Variants in PARD3B observed in about 807,000 individuals in gnomAD.
The protein encoded by PARD3B is par-3 family cell polarity regulator beta, also known as partitioning defective 3 homolog B.
A neutral mutation model predicts 130.2 loss-of-function variants in PARD3B; 103 were observed. The observed-to-expected ratio is 0.79, with a 90% CI of 0.67 to 0.93. The LOEUF (loss-of-function observed/expected upper bound fraction) is 0.93. Ranked by LOEUF, PARD3B falls within the 40% of genes least tolerant of loss-of-function variation. The pLI is 0.00. For missense variants in PARD3B, 1,609 were observed against 1,499.2 expected (o/e 1.07, Z -1.21); for synonymous variants, 583 against 553.2 (o/e 1.05, Z -0.76).
At position 205,440,771 on chromosome 2, in the gene PARD3B, A is replaced by C; in HGVS notation, c.3044+99A>C. 7.9e-7 allele frequency: 1 copy of C among 1,271,046 alleles called. No individual in the cohort carries two copies. Among genetic ancestry groups the C allele is most frequent in the Non-Finnish European group, 1.1e-6 (1 of 921,374 alleles). 78.7% of individuals were successfully genotyped at this position (1,271,046 alleles called of 1,614,324 possible). On this transcript the variant is annotated intron_variant, in intron 20 of 22. Transcript: ENST00000406610. The surrounding 1 kb of genome is among the most constrained non-coding windows in gnomAD (Gnocchi z 4.2). ...TAAAAAATGTCTCCTTCAATCAATT[A>C]AAACTGAAACGAGTCAGTACCCTAG...
chr2:204,706,449 G>T (rs1255134368), intron 2 of PARD3B, among the ~76,000 whole-genome samples: 1 of 151,972 alleles, frequency 6.6e-6, no homozygotes, highest in Non-Finnish European at 1.5e-5. Context: ...ACAGTGGGGA[G>T]AAAAAAGTCA....
At chr2:205,331,679 A>G (rs1045110389) in intron 18 of PARD3B, among the ~76,000 whole-genome samples, 1 of 145,792 alleles carries the variant, frequency 6.9e-6, no homozygotes, top group Non-Finnish European at 1.5e-5. Context: ...GGTACTCAGG[A>G]GGCTGAGGCA....
At chr2:204,629,484 A>T (rs2034606253) in intron 1 of PARD3B, among the ~76,000 whole-genome samples, 1 of 152,144 alleles carries the variant, frequency 6.6e-6, no homozygotes, top group Non-Finnish European at 1.5e-5. Context: ...CGCCACAATG[A>T]TTACTGCTTC....
intron 1 of PARD3B, among the ~76,000 whole-genome samples, chr2:204,682,339 A>T (rs565341835): frequency 7.9e-5 from 12 of 152,268 alleles, no homozygotes; most frequent in African/African-American, 2.9e-4. Context: ...CGGAAAGTTA[A>T]TTCACCTACC....
chr2:204,621,500 A>G (rs1574565077), intron 1 of PARD3B, among the ~76,000 whole-genome samples: 1 of 152,230 alleles, frequency 6.6e-6, no homozygotes, highest in South Asian at 2.1e-4. Context: ...GACTGTGCTT[A>G]ACATAGCTTG....
intron 5 of PARD3B, among the ~76,000 whole-genome samples, chr2:205,108,704 C>G (rs1703410853): frequency 6.6e-6 from 1 of 152,098 alleles, no homozygotes; most frequent in African/African-American, 2.4e-5. Flanking sequence ...ATCCTGTACC[C>G]TCCTCTGAAA....
chr2:205,030,073 C>T (rs776696199), intron 3 of PARD3B, among the ~76,000 whole-genome samples: 37 of 152,154 alleles, frequency 2.4e-4, no homozygotes, highest in Non-Finnish European at 4.3e-4. Flanking sequence ...TAATACAGTC[C>T]AATATCTTCT....
rs1044776396 is a variant in PARD3B at position 205,470,146 on chromosome 2, C to A, written c.3044+29474C>A. Among the ~76,000 whole-genome samples the A allele has an allele frequency of 1.3e-5, 2 of 152,092 alleles. No individual in the cohort carries two copies. Among genetic ancestry groups the A allele is most frequent in the African/African-American group, 4.8e-5 (2 of 41,422 alleles). On this transcript the variant is annotated intron_variant, in intron 20 of 22. Transcript: ENST00000406610. The surrounding 1 kb of genome is among the most constrained non-coding windows in gnomAD (Gnocchi z 4.8). ...ACTAAGTGATCTCAGCATTTTTTTT[C>A]CAGTTCCAAAATTATATGGTTCTGC...
At chr2:205,437,293 C>A (rs1339480652) in intron 19 of PARD3B, among the ~76,000 whole-genome samples, 1 of 152,124 alleles carries the variant, frequency 6.6e-6, no homozygotes, top group Non-Finnish European at 1.5e-5. Context: ...TACTTGACTT[C>A]ATCATTTATT....
intron 3 of PARD3B, among the ~76,000 whole-genome samples, chr2:204,993,744 C>T: frequency 6.8e-6 from 1 of 146,278 alleles, no homozygotes; most frequent in Non-Finnish European, 1.5e-5. Flanking sequence ...TTGATTATCG[C>T]CACAATTTCA....
chr2:204,684,622 C>A (rs1055459580), intron 1 of PARD3B, among the ~76,000 whole-genome samples: 2 of 152,120 alleles, frequency 1.3e-5, no homozygotes, highest in Admixed American at 1.3e-4. Context: ...GCCTATTATA[C>A]TTAGCTCATC....
At chr2:205,410,143 C>T (rs1267316550) in intron 19 of PARD3B, among the ~76,000 whole-genome samples, 6 of 152,162 alleles carry the variant, frequency 3.9e-5, no homozygotes, top group Admixed American at 1.3e-4. Context: ...ATTATGTTTA[C>T]CAGTTGAGCA....
rs190482384 is a variant in PARD3B, at chr2:205,325,560, C to T, written c.2630+23859C>T. Reference sequence around the variant, plus strand: ...GTAGTAGTAGTAGTCTCAGAGTCTTCCTCTATTGCCCAGGCTGGAGTGCAG... The same window carrying T: ...GTAGTAGTAGTAGTCTCAGAGTCTTTCTCTATTGCCCAGGCTGGAGTGCAG... On this transcript the variant is annotated intron_variant, in intron 18 of 22. Coordinates refer to ENST00000406610, the MANE Select transcript of PARD3B (RefSeq NM_001302769.2). This position sits in a 1 kb window ranked among gnomAD's most constrained non-coding sequence, Gnocchi z 4.1. Among the ~76,000 whole-genome samples, 85 of 151,010 alleles carry T rather than the reference C, an allele frequency of 5.6e-4. No homozygotes were observed. Among genetic ancestry groups the T allele is most frequent in the African/African-American group, 1.8e-3 (74 of 40,758 alleles).
chr2:204,585,912 C>T (rs1331504947), intron 1 of PARD3B, among the ~76,000 whole-genome samples: 1 of 152,038 alleles, frequency 6.6e-6, no homozygotes, highest in East Asian at 1.9e-4. Context: ...TGCCTAAAGC[C>T]AGATGATCCT....
At chr2:204,883,455 A>ATATAAAATATATATATATATATATATAT (rs1377428928) in intron 2 of PARD3B, among the ~76,000 whole-genome samples, 2 of 77,270 alleles carry the variant, frequency 2.6e-5, no homozygotes, top group Non-Finnish European at 2.3e-5. Context: ...ATATATATAT[A>ATATAAAATATATATATATATATATATAT]TTTTTTTTTT....
At chr2:204,631,480 C>G (rs1332402122) in intron 1 of PARD3B, among the ~76,000 whole-genome samples, 2 of 152,116 alleles carry the variant, frequency 1.3e-5, no homozygotes, top group Non-Finnish European at 2.9e-5. Flanking sequence ...GATCTCTTGA[C>G]CTCGTGATCT....
intron 1 of PARD3B, among the ~76,000 whole-genome samples, chr2:204,615,643 G>A (rs948648014): frequency 2.0e-5 from 3 of 152,170 alleles, no homozygotes; most frequent in East Asian, 1.9e-4. Flanking sequence ...TCCTTGAAGC[G>A]ACAGGCTTAC....
chr2:205,311,302 C>T (rs1362743550), intron 18 of PARD3B, among the ~76,000 whole-genome samples: 2 of 152,074 alleles, frequency 1.3e-5, no homozygotes, highest in East Asian at 1.9e-4. Context: ...AGAAGGGCTC[C>T]CTTTTCTTCA....
At chr2:204,634,590 A>G (rs2034805067) in intron 1 of PARD3B, among the ~76,000 whole-genome samples, 1 of 152,088 alleles carries the variant, frequency 6.6e-6, no homozygotes, top group Non-Finnish European at 1.5e-5. Flanking sequence ...AAACAGGATC[A>G]TTTGTCCTCT....
Sources: gnomAD v4.1 joint callset for allele counts (sites outside exome capture counted in the v4.1 genomes callset) on GRCh38, gnomAD v4.1.1 for gene constraint, Gnocchi (gnomAD v3.1) non-coding constraint, MANE v1.5 for transcripts, NCBI Gene and HGNC (gene_info 2026-07-23, HGNC 2026-07-21) for gene names.